SHE: variants seen among roughly 807,000 people sequenced by gnomAD.
SHE encodes SH2 domain-containing adapter protein E.
A neutral mutation model predicts 49.8 loss-of-function variants in SHE; 11 were observed. The observed-to-expected ratio is 0.22, with a 90% confidence interval of 0.14 to 0.37. SHE has a LOEUF of 0.37. Among genes scored for constraint, SHE ranks in the 10% least tolerant of loss-of-function variants. SHE has a pLI of 1.00. For missense variants in SHE, 624 were observed against 655.5 expected (o/e 0.95, Z 0.52); for synonymous variants, 310 against 278.1 (o/e 1.11, Z -1.14).
chr1:154,494,445 C>A (rs1403614505), intron 2 of SHE, among the ~76,000 whole-genome samples: 1 of 145,754 alleles, frequency 6.9e-6, no homozygotes, highest in Admixed American at 6.9e-5. Flanking sequence ...AACTTCTGGC[C>A]TCAACTGATC....
Position 154,485,953 on chromosome 1 carries a change from T to C in SHE, c.1291A>G (p.Ile431Val). Reference sequence around the variant, plus strand: ...ATGGGGCTTACTTACTTTAGGGCAATGGAGTACCTGCTGTTCCCTGACTCA... The same window carrying C: ...ATGGGGCTTACTTACTTTAGGGCAACGGAGTACCTGCTGTTCCCTGACTCA... ...NSESGNSRYS[I>V]ALKTSQGCVH... is the part of the protein sequence containing the mutation. The change falls in exon 5 of 6, where the codon ATT becomes GTT. Residue 431 changes from isoleucine to valine, a missense_variant. Ile to Val is a conservative substitution (Grantham distance 29). Coordinates refer to ENST00000304760, the MANE Select transcript of SHE (RefSeq NM_001010846.3). The C allele has an allele frequency of 1.2e-6, 2 of 1,614,040 alleles. No individual in the cohort carries two copies. The highest frequency in any genetic ancestry group is 8.5e-7 in the Non-Finnish European group (1 of 1,179,894).
chr1:154,501,868 C>T lies in SHE; in HGVS notation c.159G>A (p.Ser53=). Residue 53 remains serine, a synonymous_variant, in exon 1 of 6, where the codon TCG becomes TCA. Transcript: ENST00000304760. The part of the protein sequence containing the change: ...KEFPLNLKTV[S]ERAKPGGGGG... ...CGCCGCCCCCGGGCTTGGCCCGCTC[C>T]GACACGGTCTTCAGGTTCAGGGGGA... The T allele has an allele frequency of 2.0e-6, 3 of 1,535,472 alleles. No homozygotes were observed. The highest frequency in any genetic ancestry group is 1.2e-5 in the South Asian group (1 of 84,208).
chr1:154,482,638 T>C lies in SHE; in HGVS notation c.*1511A>G. The C allele has an allele frequency of 1.0e-6, 1 of 985,454 alleles. No homozygotes were observed. The highest frequency in any genetic ancestry group is 1.2e-6 in the Non-Finnish European group (1 of 829,930). The allele number at this position is 985,454 out of a possible 1,614,324, so 61.0% of individuals were successfully genotyped here. A position where few individuals can be genotyped will look rare whatever the true frequency, so the allele number is the denominator to read the frequency against. On this transcript the variant is annotated 3_prime_UTR_variant, in exon 6 of 6. Transcript: ENST00000304760. ...GAATACAGACACATCTGCTGAATTTTAATTCTGGAGCCATTCACCATAGTA... is the reference window on the plus strand; with the variant it reads ...GAATACAGACACATCTGCTGAATTTCAATTCTGGAGCCATTCACCATAGTA...
chr1:154,484,302 A>G lies in SHE; in HGVS notation c.1335T>C (p.Ala445=). 2.5e-6 allele frequency: 4 copies of G among 1,614,222 alleles called. No homozygotes were observed. Among genetic ancestry groups the G allele is most frequent in the Non-Finnish European group, 3.4e-6 (4 of 1,180,040 alleles). ...GTGTGTATTTGTTGTCTTTGGTCTG[A>G]GCCACTATGATGTGGACACATCCTT... is the stretch of plus-strand genomic sequence containing the variant. ...TSQGCVHIIV[A]QTKDNKYTLN... Residue 445 remains alanine, a synonymous_variant, in exon 6 of 6, where the codon GCT becomes GCC. Coordinates refer to ENST00000304760, the MANE Select transcript of SHE (RefSeq NM_001010846.3).
downstream of SHE, among the ~76,000 whole-genome samples, chr1:154,475,302 T>C (rs1691854774): frequency 6.6e-6 from 1 of 152,238 alleles, no homozygotes; most frequent in Admixed American, 6.5e-5. Flanking sequence ...TTCTCCTGCC[T>C]CAGCCTCCTG....
rs772914155 is a variant in SHE, at chr1:154,489,268, T to C, written c.807A>G (p.Lys269=). ...SPCEPADGGL[K]SETLAKRRSS... is the part of the protein sequence containing the mutation. Reference sequence around the variant, plus strand: ...TCCGTCTTTTGGCCAAGGTCTCTGATTTCAGGCCACCGTCTGCGGGTTCAC... The same window carrying C: ...TCCGTCTTTTGGCCAAGGTCTCTGACTTCAGGCCACCGTCTGCGGGTTCAC... The change falls in exon 3 of 6, where the codon AAA becomes AAG. Residue 269 remains lysine (K), a synonymous_variant. Coordinates refer to ENST00000304760, the MANE Select transcript of SHE (RefSeq NM_001010846.3). The C allele has an allele frequency of 1.3e-5, 21 of 1,614,188 alleles. No homozygotes were observed. The highest frequency in any genetic ancestry group is 1.8e-5 in the Non-Finnish European group (21 of 1,180,032).
In SHE at chr1:154,487,421, G is replaced by A. The variant is rs574425380; in HGVS notation, c.1025-738C>T. Among the ~76,000 whole-genome samples the A allele has an allele frequency of 3.2e-3, 481 of 152,040 alleles. 2 individuals carry two copies. The highest frequency in any genetic ancestry group is 0.011 in the African/African-American group (465 of 41,476). On this transcript the variant is annotated intron_variant, in intron 3 of 5. Transcript: ENST00000304760. ...TTAGTATGAAATAATAAAACAAAAA[G>A]AAAAGACAACTCAGAAACAGAAAGA... is the stretch of plus-strand genomic sequence containing the variant.
Position 154,501,503 on chromosome 1 carries a change from G to C in SHE, c.524C>G (p.Ala175Gly), listed in dbSNP as rs1434860556. ...SSSSSSSSSS[A>G]SSSPSSLGPE... is the part of the protein sequence containing the mutation. Reference sequence around the variant, plus strand: ...CCCCAGGGAGGAAGGGGAAGAGGACGCGGAGGAAGAGGAGCTGGAGCTGGA... The same window carrying C: ...CCCCAGGGAGGAAGGGGAAGAGGACCCGGAGGAAGAGGAGCTGGAGCTGGA... The change falls in exon 1 of 6, where the codon GCG becomes GGG. Residue 175 changes from alanine (A) to glycine (G), a missense_variant. Physicochemically the swap from Ala to Gly is moderately conservative, Grantham distance 60 (BLOSUM62 0). Coordinates refer to ENST00000304760, the MANE Select transcript of SHE (RefSeq NM_001010846.3). The C allele has an allele frequency of 3.1e-6, 5 of 1,614,096 alleles. No individual in the cohort carries two copies. In the Admixed American group the frequency reaches 8.3e-5, roughly 27 times the overall value.
intron 1 of SHE, among the ~76,000 whole-genome samples, chr1:154,473,818 A>C (rs537945739): frequency 6.6e-6 from 1 of 152,274 alleles, no homozygotes; most frequent in South Asian, 2.1e-4. Flanking sequence ...ATAAAAAAAA[A>C]AAAAGTAAAT....
intron 1 of SHE, among the ~76,000 whole-genome samples, chr1:154,470,763 C>T (rs1325403558): frequency 6.6e-6 from 1 of 152,162 alleles, no homozygotes; most frequent in Non-Finnish European, 1.5e-5. Flanking sequence ...TCGCTTGAAC[C>T]TGGGAGACAG....
chr1:154,474,134 T>C (rs560381602), intron 1 of SHE, among the ~76,000 whole-genome samples: 9 of 152,316 alleles, frequency 5.9e-5, no homozygotes, highest in African/African-American at 2.2e-4. Flanking sequence ...TCACCCTGTG[T>C]GGGGTGGGGC....
downstream of SHE, among the ~76,000 whole-genome samples, chr1:154,478,679 T>C (rs1571039267): frequency 6.6e-6 from 1 of 152,194 alleles, no homozygotes; most frequent in East Asian, 1.9e-4. Context: ...TCTTGGCCTT[T>C]CACAGGGTCA....
intron 3 of SHE, among the ~76,000 whole-genome samples, chr1:154,487,613 A>T (rs950297946): frequency 4.0e-5 from 6 of 151,898 alleles, no homozygotes. Flanking sequence ...GCACTTTGGG[A>T]GGCTGAGGTG....
rs1027649877 is a variant in SHE at position 154,479,852 on chromosome 1, A to G, written c.*4297T>C. ...GACCTTGTGATGATAGTTGTATTAG[A>G]CTTCAAAACACCCTTTCCGCAGGAA... On this transcript the variant is annotated 3_prime_UTR_variant, in exon 6 of 6. Coordinates refer to ENST00000304760, the MANE Select transcript of SHE (RefSeq NM_001010846.3). The G allele has an allele frequency of 6.8e-5, 67 of 985,280 alleles. No individual in the cohort carries two copies. Among genetic ancestry groups the G allele is most frequent in the Non-Finnish European group, 7.8e-5 (65 of 829,926 alleles). 61.0% of individuals were successfully genotyped at this position (985,280 alleles called of 1,614,324 possible).
At chr1:154,497,370 C>T (rs145760218) in intron 2 of SHE, among the ~76,000 whole-genome samples, 1 of 152,236 alleles carries the variant, frequency 6.6e-6, no homozygotes, top group Non-Finnish European at 1.5e-5. Flanking sequence ...ATGAAACCCA[C>T]AAGAGTCAAA....
downstream of SHE, among the ~76,000 whole-genome samples, chr1:154,476,848 GTTTA>G (rs1691888503): frequency 6.6e-6 from 1 of 152,092 alleles, no homozygotes; most frequent in Non-Finnish European, 1.5e-5. Context: ...TAGTAAACCT[GTTTA>G]TTTATGCACA....
At position 154,501,569 on chromosome 1, in the gene SHE, T is replaced by C; in HGVS notation, c.458A>G (p.Gln153Arg). Reference sequence around the variant, plus strand: ...GTAGTTGCTCTTCCCGTTCTTCTCCTGAGTGTCCACCTTGATGAGCCTGTT... The same window carrying C: ...GTAGTTGCTCTTCCCGTTCTTCTCCCGAGTGTCCACCTTGATGAGCCTGTT... Reference protein sequence around the residue: ...YINRLIKVDTQEKNGKSNYPS... With the variant: ...YINRLIKVDTREKNGKSNYPS... The change falls in exon 1 of 6, where the codon CAG (glutamine) becomes CGG (arginine). Residue 153 changes from glutamine (Q) to arginine (R), a missense_variant. Physicochemically the swap from Gln to Arg is conservative, Grantham distance 43. This residue lies in a region of SHE where 337 missense variants were observed against 306.0 expected (regional missense o/e 1.10). Coordinates refer to ENST00000304760, the MANE Select transcript of SHE (RefSeq NM_001010846.3). 1 of 1,614,112 alleles carries C rather than the reference T, an allele frequency of 6.2e-7. No individual in the cohort carries two copies. Among genetic ancestry groups the C allele is most frequent in the Non-Finnish European group, 8.5e-7 (1 of 1,179,962 alleles).
At chr1:154,471,373 A>G (rs1488038005) in intron 1 of SHE, among the ~76,000 whole-genome samples, 2 of 152,114 alleles carry the variant, frequency 1.3e-5, no homozygotes, top group African/African-American at 4.8e-5. Flanking sequence ...AAAAATAAAA[A>G]TGAGAAAAGA....
chr1:154,477,694 C>G (rs1691911136), downstream of SHE, among the ~76,000 whole-genome samples: 1 of 151,898 alleles, frequency 6.6e-6, no homozygotes, highest in Admixed American at 6.6e-5. Flanking sequence ...AGTTTGAGAC[C>G]AGCCTGGCCA....
Sources: allele counts gnomAD v4.1 joint callset (sites outside exome capture counted in the v4.1 genomes callset), GRCh38; gene constraint gnomAD v4.1.1; regional missense constraint gnomAD v4.1.1; transcripts MANE v1.5; gene names NCBI Gene and HGNC (gene_info 2026-07-23, HGNC 2026-07-21).